RASAL2: variants seen among roughly 807,000 people sequenced by gnomAD.
RASAL2 encodes the protein RAS protein activator like 2, also known as ras GTPase-activating protein nGAP.
RASAL2 carries 58 observed loss-of-function variants against 128.9 expected under a neutral mutation model. That is an observed-to-expected ratio of 0.45 (90% confidence interval 0.36 to 0.56). RASAL2 has a LOEUF of 0.56. Among genes scored for constraint, RASAL2 ranks in the 20% least tolerant of loss-of-function variants. The probability of loss-of-function intolerance (pLI) is 0.00; values close to 1 mark genes in which losing one functional copy is unlikely to be tolerated. For missense variants in RASAL2, 1,360 were observed against 1,601.6 expected, an observed-to-expected ratio of 0.85 and a Z score of 2.57; for synonymous variants, 561 against 580.8, an observed-to-expected ratio of 0.97 and a Z score of 0.49.
intron 3 of RASAL2, among the ~76,000 whole-genome samples, chr1:178,372,776 A>G (rs1431398222): frequency 1.7e-4 from 26 of 152,190 alleles, no homozygotes; most frequent in Non-Finnish European, 7.3e-5. Flanking sequence ...TAATGCTTAT[A>G]TATGATTTCT....
At chr1:178,096,586 A>T (rs953813334) in intron 1 of RASAL2, among the ~76,000 whole-genome samples, 1 of 151,864 alleles carries the variant, frequency 6.6e-6, no homozygotes, top group Non-Finnish European at 1.5e-5. Flanking sequence ...ACCACGACTT[A>T]GAAGTTTTCT....
intron 1 of RASAL2, among the ~76,000 whole-genome samples, chr1:178,258,491 TAGCC>T (rs1665494234): frequency 6.6e-6 from 1 of 152,160 alleles, no homozygotes; most frequent in Admixed American, 6.5e-5. Flanking sequence ...GGTATACAAA[TAGCC>T]AGTAAGCACA....
chr1:178,146,017 T>C (rs184511341), intron 1 of RASAL2, among the ~76,000 whole-genome samples: 14 of 152,364 alleles, frequency 9.2e-5, no homozygotes, highest in Non-Finnish European at 1.5e-4. Context: ...GTGTATTGGA[T>C]AGGAAAATAG....
chr1:178,114,567 G>T (rs925090044), intron 1 of RASAL2, among the ~76,000 whole-genome samples: 1 of 151,394 alleles, frequency 6.6e-6, no homozygotes, highest in Non-Finnish European at 1.5e-5. Context: ...TTTTGCCCAG[G>T]CTGGAGTGCA....
intron 1 of RASAL2, among the ~76,000 whole-genome samples, chr1:178,191,264 T>C (rs1662483706): frequency 6.6e-6 from 1 of 152,152 alleles, no homozygotes; most frequent in Non-Finnish European, 1.5e-5. Flanking sequence ...ATAATAGCAC[T>C]TCTCAAACTG....
In RASAL2 at chr1:178,094,677, G is replaced by T. The variant is rs144829800; in HGVS notation, c.185G>T (p.Ser62Ile). 4.2e-5 allele frequency: 68 copies of T among 1,614,116 alleles called. No individual in the cohort carries two copies. The African/African-American group carries it at 8.8e-4, about 21-fold the overall frequency. The change falls in exon 1 of 18, where the codon AGC becomes ATC. Residue 62 changes from serine to isoleucine, a missense_variant. Coordinates refer to ENST00000367649, the MANE Select transcript of RASAL2 (RefSeq NM_170692.4). ...ILLESVCQQQ[S>I]WVRVYDVKGP... ...CTGGAGTCCGTGTGCCAGCAACAGA[G>T]CTGGGTCCGGGTGTACGGTAAGGAC...
At chr1:178,131,041 C>T (rs1305484843) in intron 1 of RASAL2, among the ~76,000 whole-genome samples, 6 of 148,150 alleles carry the variant, frequency 4.0e-5, no homozygotes, top group Non-Finnish European at 8.9e-5. Context: ...GGTGAAAGAG[C>T]GAGACTCTGT....
intron 1 of RASAL2, among the ~76,000 whole-genome samples, chr1:178,193,618 T>C (rs1662561710): frequency 6.6e-6 from 1 of 152,118 alleles, no homozygotes; most frequent in Non-Finnish European, 1.5e-5. Context: ...TGTTCTTTCT[T>C]AGCAGCTAGC....
At chr1:178,162,537 TTA>T (rs1200502796) in intron 1 of RASAL2, among the ~76,000 whole-genome samples, 1 of 116,648 alleles carries the variant, frequency 8.6e-6, no homozygotes, top group Non-Finnish European at 1.8e-5. Context: ...TAATATATCT[TTA>T]TATAAAATAT....
chr1:178,411,942 A>G, intron 4 of RASAL2: 1 of 625,046 alleles, frequency 1.6e-6, no homozygotes, highest in Non-Finnish European at 2.9e-6. Context: ...GATCAGGCAG[A>G]TTGAGGACAT....
At chr1:178,471,424 C>A (rs774149922) in intron 17 of RASAL2, among the ~76,000 whole-genome samples, 3 of 151,954 alleles carry the variant, frequency 2.0e-5, no homozygotes, top group Non-Finnish European at 4.4e-5. Flanking sequence ...TTTTTAAAAG[C>A]CTTGCAGCTC....
At chr1:178,222,421 T>C (rs921421765) in intron 1 of RASAL2, among the ~76,000 whole-genome samples, 1 of 152,166 alleles carries the variant, frequency 6.6e-6, no homozygotes, top group African/African-American at 2.4e-5. Context: ...TTTTAACTTT[T>C]TAAATTGTTT....
intron 1 of RASAL2, among the ~76,000 whole-genome samples, chr1:178,141,193 C>CTTTTTTT (rs71297900): frequency 0.01 from 765 of 73,840 alleles, 12 homozygotes; most frequent in Non-Finnish European, 0.014. Context: ...CTTTTCTTTT[C>CTTTTTTT]TTTTTTTTTT....
intron 2 of RASAL2, among the ~76,000 whole-genome samples, chr1:178,292,000 C>T (rs927874128): frequency 9.9e-5 from 14 of 140,860 alleles, no homozygotes; most frequent in African/African-American, 3.0e-4. Flanking sequence ...CGCACCATTG[C>T]ACTCCAGCCT....
intron 1 of RASAL2, among the ~76,000 whole-genome samples, chr1:178,204,387 A>T (rs1453804149): frequency 6.6e-6 from 1 of 152,204 alleles, no homozygotes; most frequent in African/African-American, 2.4e-5. Context: ...CAGGAGGTTC[A>T]TGAGAGGAAG....
At chr1:178,411,067 C>G (rs889882856) in intron 4 of RASAL2, among the ~76,000 whole-genome samples, 1 of 152,018 alleles carries the variant, frequency 6.6e-6, no homozygotes, top group African/African-American at 2.4e-5. Context: ...CACTTGCACA[C>G]GTATATAGTA....
chr1:178,135,297 CT>C (rs1427804064), intron 1 of RASAL2, among the ~76,000 whole-genome samples: 2 of 152,076 alleles, frequency 1.3e-5, no homozygotes, highest in Non-Finnish European at 2.9e-5. Flanking sequence ...CTACAGGTGT[CT>C]TGACCTTGAT....
chr1:178,311,643 C>A (rs1668257332), intron 3 of RASAL2, among the ~76,000 whole-genome samples: 1 of 152,056 alleles, frequency 6.6e-6, no homozygotes, highest in African/African-American at 2.4e-5. Flanking sequence ...AATATGTGCA[C>A]GCTGAATGAT....
chr1:178,129,295 G>A (rs1005766067), intron 1 of RASAL2, among the ~76,000 whole-genome samples: 5 of 151,992 alleles, frequency 3.3e-5, no homozygotes, highest in Admixed American at 6.6e-5. Flanking sequence ...CCTAATGTAC[G>A]TAAAGTGGCA....
Sources: allele counts gnomAD v4.1 joint callset (sites outside exome capture counted in the v4.1 genomes callset), GRCh38; gene constraint gnomAD v4.1.1; transcripts MANE v1.5; gene names NCBI Gene and HGNC (gene_info 2026-07-23, HGNC 2026-07-21).